SPATA16: variants seen among roughly 807,000 people sequenced by gnomAD.
SPATA16 encodes spermatogenesis associated 16.
SPATA16 carries 36 observed loss-of-function variants against 63.3 expected under a neutral mutation model. That is an observed-to-expected ratio of 0.57 (90% CI 0.44 to 0.75). SPATA16 has a LOEUF of 0.75. Ranked by LOEUF, SPATA16 falls within the 30% of genes least tolerant of loss-of-function variation. SPATA16 has a pLI of 0.00. For missense variants in SPATA16, 646 were observed against 679.3 expected (o/e 0.95, Z 0.54); for synonymous variants, 203 against 216.7 (o/e 0.94, Z 0.56).
At chr3:173,056,705 C>CAAAAAAA (rs71162325) in intron 2 of SPATA16, among the ~76,000 whole-genome samples, 19 of 73,588 alleles carry the variant, frequency 2.6e-4, no homozygotes, top group East Asian at 4.6e-4. Context: ...ACTCTTGTTT[C>CAAAAAAA]AAAAAAAAAA....
At chr3:172,923,514 T>C (rs1732660221) in intron 8 of SPATA16, among the ~76,000 whole-genome samples, 1 of 152,176 alleles carries the variant, frequency 6.6e-6, no homozygotes, top group African/African-American at 2.4e-5. Context: ...CTTTAAAATT[T>C]CCAACTTACA....
intron 2 of SPATA16, among the ~76,000 whole-genome samples, chr3:173,081,227 C>T (rs1365365680): frequency 6.6e-6 from 1 of 152,222 alleles, no homozygotes; most frequent in Non-Finnish European, 1.5e-5. Context: ...TGTATTCATA[C>T]TCAAATTAAA....
intron 5 of SPATA16, among the ~76,000 whole-genome samples, chr3:172,973,821 T>C (rs1471441215): frequency 6.6e-6 from 1 of 152,146 alleles, no homozygotes; most frequent in East Asian, 1.9e-4. Flanking sequence ...TGCTAATTAC[T>C]TCAGGATTGT....
At chr3:173,019,454 A>C in intron 4 of SPATA16, 32 bp downstream of exon 4, 1 of 1,561,460 alleles carries the variant, frequency 6.4e-7, no homozygotes, top group Non-Finnish European at 8.8e-7. Flanking sequence ...TTGACTTGAT[A>C]TAAATCCTCA....
intron 2 of SPATA16, among the ~76,000 whole-genome samples, chr3:173,082,623 C>G (rs778134081): frequency 6.6e-6 from 1 of 152,200 alleles, no homozygotes; most frequent in Admixed American, 6.5e-5. Flanking sequence ...GCAGGGAATT[C>G]GAGTATCCCT....
intron 4 of SPATA16, among the ~76,000 whole-genome samples, chr3:172,986,236 A>ATAG (rs1315257456): frequency 1.3e-5 from 2 of 152,174 alleles, no homozygotes; most frequent in East Asian, 3.9e-4. Flanking sequence ...ACAAATAGTA[A>ATAG]TAGTAGTATT....
At chr3:172,958,470 G>A (rs1204828066) in intron 5 of SPATA16, among the ~76,000 whole-genome samples, 4 of 152,160 alleles carry the variant, frequency 2.6e-5, no homozygotes, top group Non-Finnish European at 4.4e-5. Context: ...CATCAAGCGC[G>A]TGGTTGCACA....
Position 172,913,755 on chromosome 3 carries a change from A to T in SPATA16, c.1504-11T>A. The stretch of plus-strand genomic sequence containing the variant: ...CATTAGTGACTGCAGCTGTGGCACC[A>T]AGATAAAAATTATCAGTGTGGAATT... On this transcript the variant is annotated splice_polypyrimidine_tract_variant and intron_variant, in intron 9 of 10. Transcript: ENST00000351008. The T allele has an allele frequency of 6.2e-7, 1 of 1,612,000 alleles. No homozygotes were observed. Among genetic ancestry groups the T allele is most frequent in the East Asian group, 2.2e-5 (1 of 44,838 alleles).
chr3:173,126,688 ATACTC>A lies in SPATA16; in HGVS notation c.-18-8944_-18-8940del, dbSNP rs1317779167. ...GTATAGAGGTGAAGAATCTTTCAAA[ATACTC>A]TAATCTGTTTATTTTGCAGAAGAAG... On this transcript the variant is annotated intron_variant, in intron 1 of 10. Coordinates refer to ENST00000351008, the MANE Select transcript of SPATA16 (RefSeq NM_031955.6). Among the ~76,000 whole-genome samples, 3 of 152,332 alleles carry A rather than the reference ATACTC, an allele frequency of 2.0e-5. No individual in the cohort carries two copies. The East Asian group carries it at 5.8e-4, about 29-fold the overall frequency.
At chr3:172,890,951 A>G (rs1731881741) in intron 10 of SPATA16, among the ~76,000 whole-genome samples, 4 of 148,276 alleles carry the variant, frequency 2.7e-5, no homozygotes, top group Non-Finnish European at 1.5e-5. Flanking sequence ...TATGTATTCC[A>G]TATATATATA....
At chr3:173,072,674 C>T (rs1458644991) in intron 2 of SPATA16, among the ~76,000 whole-genome samples, 1 of 152,172 alleles carries the variant, frequency 6.6e-6, no homozygotes, top group Non-Finnish European at 1.5e-5. Flanking sequence ...ACTGTGAGTC[C>T]ACTAGATCTC....
At chr3:173,089,767 G>A (rs1737175902) in intron 2 of SPATA16, among the ~76,000 whole-genome samples, 1 of 152,136 alleles carries the variant, frequency 6.6e-6, no homozygotes, top group African/African-American at 2.4e-5. Context: ...TGGAACACCA[G>A]GCAGGAGGAA....
At chr3:172,924,464 G>A in intron 7 of SPATA16, 147 bp from the exon 8 acceptor site, 1 of 626,820 alleles carries the variant, frequency 1.6e-6, no homozygotes, top group South Asian at 1.9e-5. Context: ...TAGACCATAT[G>A]TATAACAAAG....
intron 2 of SPATA16, among the ~76,000 whole-genome samples, chr3:173,096,658 A>G (rs960685702): frequency 6.7e-6 from 1 of 148,930 alleles, no homozygotes; most frequent in African/African-American, 2.6e-5. Context: ...CACAGCTGAT[A>G]GGGGTGTAAT....
chr3:173,042,038 A>G lies in SPATA16; in HGVS notation c.758+6911T>C, dbSNP rs979869517. ...AATTTGCAAAATTCCTATTACTTCTATTATGAATCAATTCATTCTAAAACT... is the reference window on the plus strand; with the variant it reads ...AATTTGCAAAATTCCTATTACTTCTGTTATGAATCAATTCATTCTAAAACT... On this transcript the variant is annotated intron_variant, in intron 3 of 10. Transcript: ENST00000351008. Among the ~76,000 whole-genome samples, 8 of 152,272 alleles carry G rather than the reference A, an allele frequency of 5.3e-5. No homozygotes were observed. In the East Asian group the frequency reaches 5.8e-4, roughly 11 times the overall value.
chr3:172,992,680 T>C (rs1185805410), intron 4 of SPATA16, among the ~76,000 whole-genome samples: 1 of 152,162 alleles, frequency 6.6e-6, no homozygotes, highest in Non-Finnish European at 1.5e-5. Context: ...ACCCTGTTAA[T>C]GTACTTCTGA....
intron 5 of SPATA16, among the ~76,000 whole-genome samples, chr3:172,963,670 C>T (rs9878408): frequency 0.011 from 1,646 of 152,148 alleles, 24 homozygotes; most frequent in African/African-American, 0.038. Flanking sequence ...ATTTACCCTG[C>T]ATTAATTTTT....
intron 3 of SPATA16, among the ~76,000 whole-genome samples, chr3:173,027,550 T>C (rs373177330): frequency 1.9e-4 from 29 of 152,050 alleles, no homozygotes; most frequent in African/African-American, 6.7e-4. Flanking sequence ...TGGAAAATTC[T>C]TGCTTTTTTT....
chr3:172,982,480 G>C (rs1198144015), intron 4 of SPATA16, among the ~76,000 whole-genome samples: 2 of 152,144 alleles, frequency 1.3e-5, no homozygotes, highest in African/African-American at 4.8e-5. Flanking sequence ...TATGTCAGCA[G>C]TTATTGCTTC....
Sources: gnomAD v4.1 joint callset for allele counts (sites outside exome capture counted in the v4.1 genomes callset) on GRCh38, gnomAD v4.1.1 for gene constraint, MANE v1.5 for transcripts, NCBI Gene and HGNC (gene_info 2026-07-23, HGNC 2026-07-21) for gene names.